Variants in CDKAL1 observed in about 807,000 individuals in gnomAD.
CDKAL1 encodes threonylcarbamoyladenosine tRNA methylthiotransferase.
CDKAL1 carries 32 observed loss-of-function variants against 68.2 expected under a neutral mutation model. That is an observed-to-expected ratio of 0.47 (90% CI 0.35 to 0.63). CDKAL1 has a LOEUF of 0.63. Among genes scored for constraint, CDKAL1 ranks in the 30% least tolerant of loss-of-function variants. The pLI is 0.00. For synonymous variants in CDKAL1, 234 were observed against 244.3 expected (o/e 0.96, Z 0.39); for missense variants, 606 against 696.7 (o/e 0.87, Z 1.47).
At chr6:20,930,896 C>T (rs913573691) in intron 9 of CDKAL1, among the ~76,000 whole-genome samples, 1 of 152,120 alleles carries the variant, frequency 6.6e-6, no homozygotes, top group African/African-American at 2.4e-5. Flanking sequence ...AGGCACCTGC[C>T]ACCGCGCCCG....
intron 7 of CDKAL1, among the ~76,000 whole-genome samples, chr6:20,772,062 ATTG>A (rs1480021778): frequency 1.3e-5 from 2 of 152,030 alleles, no homozygotes; most frequent in Non-Finnish European, 2.9e-5. Context: ...TGTACATTTT[ATTG>A]TTCTCATTTT....
chr6:20,827,108 G>A (rs1490434448), intron 8 of CDKAL1, among the ~76,000 whole-genome samples: 2 of 152,044 alleles, frequency 1.3e-5, no homozygotes, highest in African/African-American at 2.4e-5. Context: ...TATCAAAATC[G>A]TCTTTATTTC....
chr6:21,185,549 A>C (rs1403787482), intron 13 of CDKAL1, among the ~76,000 whole-genome samples: 2 of 152,074 alleles, frequency 1.3e-5, no homozygotes, highest in African/African-American at 2.4e-5. Context: ...CTATTTTCTC[A>C]CTTGTCTACA....
chr6:20,653,612 C>T (rs901485418), intron 5 of CDKAL1, among the ~76,000 whole-genome samples: 5 of 146,648 alleles, frequency 3.4e-5, no homozygotes, highest in African/African-American at 1.3e-4. Context: ...CCACCACACC[C>T]GGCTAATTTT....
At chr6:20,764,689 G>C (rs575174213) in intron 7 of CDKAL1, among the ~76,000 whole-genome samples, 3 of 152,280 alleles carry the variant, frequency 2.0e-5, no homozygotes, top group African/African-American at 7.2e-5. Context: ...CTTACTTGAG[G>C]ATGTTTTCCA....
intron 5 of CDKAL1, among the ~76,000 whole-genome samples, chr6:20,732,550 G>C (rs1395608992): frequency 6.6e-6 from 1 of 151,558 alleles, no homozygotes; most frequent in Non-Finnish European, 1.5e-5. Flanking sequence ...GCCTCCCAAA[G>C]TGCTAGGATT....
intron 10 of CDKAL1, among the ~76,000 whole-genome samples, chr6:20,996,217 A>G (rs768117199): frequency 2.3e-4 from 35 of 152,236 alleles, no homozygotes; most frequent in South Asian, 1.0e-3. Flanking sequence ...AACTTTCTCC[A>G]TATCAGCAAT....
At chr6:20,732,263 C>CTTTTTTTTTTTTTTTTTTTTTTT (rs56911987) in intron 5 of CDKAL1, among the ~76,000 whole-genome samples, 10 of 83,488 alleles carry the variant, frequency 1.2e-4, no homozygotes, top group African/African-American at 1.5e-4. Flanking sequence ...TTCTTTCTTT[C>CTTTTTTTTTTTTTTTTTTTTTTT]TTTTTTTTTT....
intron 9 of CDKAL1, among the ~76,000 whole-genome samples, chr6:20,876,574 A>G (rs1448109283): frequency 6.6e-6 from 1 of 152,114 alleles, no homozygotes; most frequent in East Asian, 1.9e-4. Context: ...GTACTTTTTT[A>G]TTCCTAAAAC....
At chr6:21,149,808 G>A (rs1776326518) in intron 13 of CDKAL1, among the ~76,000 whole-genome samples, 1 of 152,124 alleles carries the variant, frequency 6.6e-6, no homozygotes, top group African/African-American at 2.4e-5. Context: ...AGTAATTCGG[G>A]AATTCCAAAA....
chr6:21,156,240 G>A (rs1159973580), intron 13 of CDKAL1, among the ~76,000 whole-genome samples: 2 of 151,914 alleles, frequency 1.3e-5, no homozygotes, highest in Admixed American at 6.6e-5. Flanking sequence ...GGGCAACATG[G>A]TGAAACTCTG....
chr6:20,703,702 CAT>C (rs1771475252), intron 5 of CDKAL1, among the ~76,000 whole-genome samples: 1 of 151,822 alleles, frequency 6.6e-6, no homozygotes, highest in Non-Finnish European at 1.5e-5. Context: ...GAAAATATGA[CAT>C]AAATAGTAAA....
intron 9 of CDKAL1, among the ~76,000 whole-genome samples, chr6:20,888,416 A>T (rs1213321524): frequency 3.4e-5 from 5 of 148,032 alleles, no homozygotes; most frequent in Non-Finnish European, 7.4e-5. Flanking sequence ...CATGTGCACA[A>T]TGTGCAGGTT....
At chr6:20,912,709 C>A (rs1217282850) in intron 9 of CDKAL1, among the ~76,000 whole-genome samples, 2 of 152,028 alleles carry the variant, frequency 1.3e-5, no homozygotes, top group Non-Finnish European at 2.9e-5. Flanking sequence ...ATTTAGCTAT[C>A]TATTGCTATA....
At chr6:21,085,149 T>G (rs1772624910) in intron 12 of CDKAL1, among the ~76,000 whole-genome samples, 1 of 152,232 alleles carries the variant, frequency 6.6e-6, no homozygotes. Context: ...TGGTGGTGCA[T>G]CTCACTAGTG....
At chr6:21,202,219 T>C (rs193250437) in intron 15 of CDKAL1, among the ~76,000 whole-genome samples, 1 of 152,278 alleles carries the variant, frequency 6.6e-6, no homozygotes, top group Non-Finnish European at 1.5e-5. Flanking sequence ...CCGACAGCAG[T>C]GATAATTCAC....
At chr6:21,185,584 T>C (rs984301617) in intron 13 of CDKAL1, among the ~76,000 whole-genome samples, 6 of 152,246 alleles carry the variant, frequency 3.9e-5, no homozygotes, top group Non-Finnish European at 7.3e-5. Flanking sequence ...GGAGCGAGGA[T>C]AGGTCTGAAC....
intron 12 of CDKAL1, among the ~76,000 whole-genome samples, chr6:21,106,340 A>G (rs1773842208): frequency 6.6e-6 from 1 of 152,242 alleles, no homozygotes; most frequent in South Asian, 2.1e-4. Context: ...AAATTTCCGA[A>G]CAATATATAG....
chr6:20,605,696 G>A (rs974166693), intron 4 of CDKAL1, among the ~76,000 whole-genome samples: 3 of 152,112 alleles, frequency 2.0e-5, no homozygotes, highest in African/African-American at 4.8e-5. Context: ...ATTATTCCCT[G>A]CTACTGAGGC....
Sources: gnomAD v4.1 joint callset for allele counts (sites outside exome capture counted in the v4.1 genomes callset) on GRCh38, gnomAD v4.1.1 for gene constraint, MANE v1.5 for transcripts, NCBI Gene and HGNC (gene_info 2026-07-23, HGNC 2026-07-21) for gene names.